DOK5: variants seen among roughly 807,000 people sequenced by gnomAD.
The protein encoded by DOK5 is downstream of tyrosine kinase 5.
Under a neutral mutation model 43.3 loss-of-function variants are expected in DOK5, and 27 were observed. That is an observed-to-expected ratio of 0.62 (90% CI 0.46 to 0.86). The LOEUF (loss-of-function observed/expected upper bound fraction) is 0.86, where lower values mean the gene tolerates loss of function less well. Ranked by LOEUF, DOK5 falls within the 40% of genes least tolerant of loss-of-function variation. The probability of loss-of-function intolerance (pLI) is 0.00; values close to 1 mark genes in which losing one functional copy is unlikely to be tolerated. For synonymous variants in DOK5, 146 were observed against 140.1 expected, an observed-to-expected ratio of 1.04 and a Z score of -0.30; for missense variants, 373 against 392.9, an observed-to-expected ratio of 0.95 and a Z score of 0.43.
At chr20:54,563,482 A>G (rs1318371098) in intron 2 of DOK5, among the ~76,000 whole-genome samples, 1 of 152,028 alleles carries the variant, frequency 6.6e-6, no homozygotes, top group Admixed American at 6.6e-5. Context: ...TTCCTTACAA[A>G]TTGTGACAAT....
intron 2 of DOK5, among the ~76,000 whole-genome samples, chr20:54,573,736 C>T (rs1985368798): frequency 1.4e-5 from 2 of 147,464 alleles, no homozygotes; most frequent in Non-Finnish European, 3.0e-5. Flanking sequence ...TGTGCGTTGA[C>T]TTCATTTCAG....
intron 2 of DOK5, among the ~76,000 whole-genome samples, chr20:54,560,207 G>A (rs953782018): frequency 6.6e-6 from 1 of 151,816 alleles, no homozygotes; most frequent in African/African-American, 2.4e-5. Context: ...TTCCTCTTCC[G>A]ATACAGCTGT....
At chr20:54,592,632 C>T (rs1007964019) in intron 5 of DOK5, among the ~76,000 whole-genome samples, 1 of 151,736 alleles carries the variant, frequency 6.6e-6, no homozygotes, top group African/African-American at 2.4e-5. Context: ...GCTCCGCCTC[C>T]CGGGTTCACG....
intron 1 of DOK5, among the ~76,000 whole-genome samples, chr20:54,509,156 G>A (rs1413269873): frequency 1.3e-5 from 2 of 152,294 alleles, no homozygotes; most frequent in Admixed American, 1.3e-4. Flanking sequence ...GATTACAGGT[G>A]TGAGCCACCG....
intron 5 of DOK5, 144 bp from the exon 6 acceptor site, chr20:54,610,244 G>A (rs1986604045): frequency 1.1e-5 from 10 of 870,136 alleles, no homozygotes; most frequent in South Asian, 9.4e-5. Flanking sequence ...TGAACATTCC[G>A]ATTCTAGTTA....
At chr20:54,589,977 G>A (rs1009932800) in intron 4 of DOK5, among the ~76,000 whole-genome samples, 5 of 152,102 alleles carry the variant, frequency 3.3e-5, no homozygotes, top group African/African-American at 1.2e-4. Context: ...TCCTTCTCTG[G>A]TTCACTAAAT....
At chr20:54,645,122 A>G (rs989137761) in intron 7 of DOK5, among the ~76,000 whole-genome samples, 12 of 149,560 alleles carry the variant, frequency 8.0e-5, no homozygotes, top group African/African-American at 2.9e-4. Flanking sequence ...ATGATGAGGT[A>G]CAAGACCACC....
intron 6 of DOK5, among the ~76,000 whole-genome samples, chr20:54,622,447 T>C (rs910352159): frequency 2.0e-5 from 3 of 152,200 alleles, no homozygotes; most frequent in African/African-American, 7.2e-5. Context: ...GGGGTGTGTT[T>C]TAATAGTGCT....
intron 6 of DOK5, 122 bp from the exon 7 acceptor site, chr20:54,643,336 T>A: frequency 7.6e-7 from 1 of 1,323,428 alleles, no homozygotes; most frequent in Non-Finnish European, 1.0e-6. Flanking sequence ...TCAATCGATG[T>A]TCATTGATTT....
chr20:54,616,757 A>C (rs1986820583), intron 6 of DOK5, among the ~76,000 whole-genome samples: 1 of 148,666 alleles, frequency 6.7e-6, no homozygotes, highest in Non-Finnish European at 1.5e-5. Context: ...AAAAGTGGGG[A>C]AGGATCCACT....
chr20:54,568,774 C>A (rs1985178395), intron 2 of DOK5, among the ~76,000 whole-genome samples: 1 of 151,590 alleles, frequency 6.6e-6, no homozygotes, highest in South Asian at 2.1e-4. Flanking sequence ...GCTAAAAATA[C>A]AAAAAATTAG....
At chr20:54,568,739 G>A (rs1985177226) in intron 2 of DOK5, among the ~76,000 whole-genome samples, 1 of 151,964 alleles carries the variant, frequency 6.6e-6, no homozygotes, top group South Asian at 2.1e-4. Context: ...GACCATCCTG[G>A]CTAACATGAT....
At chr20:54,483,754 T>A (rs933352438) in intron 1 of DOK5, among the ~76,000 whole-genome samples, 1 of 152,308 alleles carries the variant, frequency 6.6e-6, no homozygotes, top group African/African-American at 2.4e-5. Flanking sequence ...CCACATGATA[T>A]ATGTGAATGT....
intron 7 of DOK5, among the ~76,000 whole-genome samples, chr20:54,646,191 T>G (rs1438778407): frequency 6.6e-6 from 1 of 151,470 alleles, no homozygotes; most frequent in Non-Finnish European, 1.5e-5. Context: ...TTTAATATAC[T>G]TCTTTAAAAA....
intron 1 of DOK5, among the ~76,000 whole-genome samples, chr20:54,492,740 A>ATTTTTTTT: frequency 1.3e-5 from 2 of 151,182 alleles, no homozygotes; most frequent in East Asian, 3.9e-4. Context: ...ATCAGAGGTA[A>ATTTTTTTT]CAGAGAGAAC....
intron 6 of DOK5, among the ~76,000 whole-genome samples, chr20:54,623,478 G>A (rs1987048854): frequency 6.6e-6 from 1 of 152,158 alleles, no homozygotes; most frequent in Admixed American, 6.5e-5. Flanking sequence ...GTCTCTGCCT[G>A]GTTTTGTTAG....
intron 2 of DOK5, among the ~76,000 whole-genome samples, chr20:54,571,888 A>C (rs1016757993): frequency 6.6e-6 from 1 of 152,014 alleles, no homozygotes; most frequent in Non-Finnish European, 1.5e-5. Flanking sequence ...CTACGTTTTC[A>C]TCATACCAAA....
chr20:54,508,864 G>A (rs1043386331), intron 1 of DOK5, among the ~76,000 whole-genome samples: 2 of 151,940 alleles, frequency 1.3e-5, no homozygotes, highest in African/African-American at 2.4e-5. Context: ...ACAGGTGTGA[G>A]CCACTGTGCC....
chr20:54,605,925 G>A (rs939216873), intron 5 of DOK5, among the ~76,000 whole-genome samples: 12 of 152,200 alleles, frequency 7.9e-5, no homozygotes, highest in Non-Finnish European at 1.5e-4. Flanking sequence ...AGAGTTCTTA[G>A]CATTACATTT....
Sources: gnomAD v4.1 joint callset for allele counts (sites outside exome capture counted in the v4.1 genomes callset) on GRCh38, gnomAD v4.1.1 for gene constraint, MANE v1.5 for transcripts, NCBI Gene and HGNC (gene_info 2026-07-23, HGNC 2026-07-21) for gene names.